TRABD2B: variants seen among roughly 807,000 people sequenced by gnomAD.
The protein encoded by TRABD2B is metalloprotease TIKI2.
A neutral mutation model predicts 40.1 loss-of-function variants in TRABD2B; 14 were observed. The ratio of observed to expected loss-of-function variants is 0.35; its 90% CI spans 0.23 to 0.55. The LOEUF is 0.55. TRABD2B is among the 20% of genes least tolerant of loss of function. The pLI, the probability that TRABD2B is intolerant of heterozygous loss-of-function variation, is 0.90. For synonymous variants in TRABD2B, 263 were observed against 277.0 expected, an observed-to-expected ratio of 0.95 and a Z score of 0.50; for missense variants, 541 against 648.6, an observed-to-expected ratio of 0.83 and a Z score of 1.80.
At chr1:47,842,149 G>A (rs1264761550) in intron 2 of TRABD2B, among the ~76,000 whole-genome samples, 1 of 152,172 alleles carries the variant, frequency 6.6e-6, no homozygotes, top group African/African-American at 2.4e-5. Context: ...TTTGTAGAAA[G>A]TGCCGGGCAC....
At chr1:47,770,610 G>A (rs1644365530) in intron 6 of TRABD2B, among the ~76,000 whole-genome samples, 1 of 152,264 alleles carries the variant, frequency 6.6e-6, no homozygotes, top group Non-Finnish European at 1.5e-5. Flanking sequence ...CAGGAGAGCT[G>A]AGGCAGGGTC....
intron 2 of TRABD2B, among the ~76,000 whole-genome samples, chr1:47,845,813 G>A (rs1259804204): frequency 6.6e-6 from 1 of 152,156 alleles, no homozygotes; most frequent in Non-Finnish European, 1.5e-5. Flanking sequence ...CTCCTAATGT[G>A]TTTAGTCCTC....
At chr1:47,794,546 A>G (rs1369474181) in intron 4 of TRABD2B, 40 bp downstream of exon 4, 1 of 1,483,094 alleles carries the variant, frequency 6.7e-7, no homozygotes. Context: ...CAAATCTCCC[A>G]GGATTCTGCA....
intron 2 of TRABD2B, among the ~76,000 whole-genome samples, chr1:47,909,137 C>T (rs1644716261): frequency 6.6e-6 from 1 of 152,236 alleles, no homozygotes; most frequent in Admixed American, 6.5e-5. Context: ...TAATAACTGA[C>T]ATCTATTAAA....
chr1:47,888,150 C>G (rs1373749470), intron 2 of TRABD2B, among the ~76,000 whole-genome samples: 1 of 152,224 alleles, frequency 6.6e-6, no homozygotes, highest in Non-Finnish European at 1.5e-5. Flanking sequence ...AAGTGTCTTC[C>G]AGGAGCATCT....
At chr1:47,928,927 T>C (rs1645004613) in intron 2 of TRABD2B, among the ~76,000 whole-genome samples, 1 of 152,226 alleles carries the variant, frequency 6.6e-6, no homozygotes, top group Non-Finnish European at 1.5e-5. Flanking sequence ...GGTAAAACCC[T>C]AACTGCTTTA....
At chr1:47,934,721 G>A (rs555929651) in intron 2 of TRABD2B, among the ~76,000 whole-genome samples, 5 of 152,246 alleles carry the variant, frequency 3.3e-5, no homozygotes, top group South Asian at 2.1e-4. Flanking sequence ...TCTCTGTTTC[G>A]TCATCGGCCA....
At chr1:47,960,705 T>C (rs1027271783) in intron 2 of TRABD2B, among the ~76,000 whole-genome samples, 4 of 151,864 alleles carry the variant, frequency 2.6e-5, no homozygotes, top group Non-Finnish European at 4.4e-5. Flanking sequence ...CTCAAGGAAA[T>C]AAAAGAGGAC....
At chr1:47,878,093 T>C (rs1280140165) in intron 2 of TRABD2B, among the ~76,000 whole-genome samples, 1 of 151,376 alleles carries the variant, frequency 6.6e-6, no homozygotes, top group Non-Finnish European at 1.5e-5. Flanking sequence ...GGGAGGTGGA[T>C]CACCTGAGGT....
chr1:47,927,719 G>C (rs965620756), intron 2 of TRABD2B, among the ~76,000 whole-genome samples: 2 of 152,176 alleles, frequency 1.3e-5, no homozygotes. Flanking sequence ...GCTGTCAAAG[G>C]GGGAAAGGCA....
intron 2 of TRABD2B, among the ~76,000 whole-genome samples, chr1:47,978,436 G>A (rs1408209977): frequency 6.6e-6 from 1 of 152,070 alleles, no homozygotes; most frequent in Non-Finnish European, 1.5e-5. Flanking sequence ...CGATGATGGG[G>A]CAGCCCTCTG....
At chr1:47,873,296 C>G (rs1644171621) in intron 2 of TRABD2B, among the ~76,000 whole-genome samples, 1 of 152,168 alleles carries the variant, frequency 6.6e-6, no homozygotes, top group African/African-American at 2.4e-5. Flanking sequence ...AGCCCAGAAC[C>G]TGAGTGAGGG....
At chr1:47,873,682 C>T (rs1294468257) in intron 2 of TRABD2B, among the ~76,000 whole-genome samples, 1 of 152,146 alleles carries the variant, frequency 6.6e-6, no homozygotes, top group African/African-American at 2.4e-5. Context: ...CGTGTCAAGC[C>T]ATGCACGGTC....
At chr1:47,839,743 T>C (rs988398856) in intron 2 of TRABD2B, among the ~76,000 whole-genome samples, 1 of 152,130 alleles carries the variant, frequency 6.6e-6, no homozygotes, top group Non-Finnish European at 1.5e-5. Flanking sequence ...GCTGTTACTA[T>C]AATGGCCAGC....
intron 2 of TRABD2B, among the ~76,000 whole-genome samples, chr1:47,842,664 TC>T (rs1645415261): frequency 6.6e-6 from 1 of 152,210 alleles, no homozygotes; most frequent in Non-Finnish European, 1.5e-5. Flanking sequence ...AGCTTCATTT[TC>T]CTCCCTGCAA....
intron 2 of TRABD2B, among the ~76,000 whole-genome samples, chr1:47,907,237 T>C (rs1321483397): frequency 6.6e-6 from 1 of 152,194 alleles, no homozygotes; most frequent in Non-Finnish European, 1.5e-5. Context: ...TGACCAGGGA[T>C]TTGTTCATTA....
intron 2 of TRABD2B, among the ~76,000 whole-genome samples, chr1:47,858,147 G>T (rs868273759): frequency 1.3e-5 from 2 of 151,568 alleles, no homozygotes; most frequent in Non-Finnish European, 2.9e-5. Context: ...TACTATCTGC[G>T]GTTTCAGGCA....
chr1:47,786,176 A>G (rs1327496126), intron 4 of TRABD2B, among the ~76,000 whole-genome samples: 1 of 152,222 alleles, frequency 6.6e-6, no homozygotes, highest in Admixed American at 6.5e-5. Flanking sequence ...AGAGAAGTGA[A>G]GCAACTGATC....
intron 2 of TRABD2B, among the ~76,000 whole-genome samples, chr1:47,943,591 C>A (rs976369597): frequency 1.3e-5 from 2 of 152,114 alleles, no homozygotes; most frequent in South Asian, 2.1e-4. Flanking sequence ...GGAAGAGACA[C>A]CCCCACTCAC....
Sources: allele counts gnomAD v4.1 joint callset (sites outside exome capture counted in the v4.1 genomes callset), GRCh38; gene constraint gnomAD v4.1.1; transcripts MANE v1.5; gene names NCBI Gene and HGNC (gene_info 2026-07-23, HGNC 2026-07-21).